ECSCR: variants seen among roughly 807,000 people sequenced by gnomAD.
ECSCR encodes endothelial cell-specific chemotaxis regulator.
A neutral mutation model predicts 16.7 loss-of-function variants in ECSCR; 12 were observed. The ratio of observed to expected loss-of-function variants is 0.72; its 90% CI spans 0.46 to 1.17. The LOEUF is 1.17. ECSCR is among the 50% of genes most tolerant of loss of function. ECSCR has a pLI of 0.00. For missense variants in ECSCR, 122 were observed against 116.1 expected, an observed-to-expected ratio of 1.05 and a Z score of -0.23; for synonymous variants, 44 against 42.2, an observed-to-expected ratio of 1.04 and a Z score of -0.17.
chr5:139,462,490 G>T, intron 1 of ECSCR, 120 bp downstream of exon 1: 1 of 1,047,732 alleles, frequency 9.5e-7, no homozygotes. Context: ...AAAGGCTCTG[G>T]AATTTCCCCT....
At chr5:139,450,775 CAAAA>C (rs952414998) in intron 8 of ECSCR, among the ~76,000 whole-genome samples, 1 of 95,406 alleles carries the variant, frequency 1.0e-5, no homozygotes, top group Non-Finnish European at 2.2e-5. Context: ...GACTCCATGT[CAAAA>C]AAAAAAAAAA....
intron 5 of ECSCR, 83 bp downstream of exon 5, chr5:139,456,391 T>C: frequency 2.5e-6 from 1 of 397,366 alleles, no homozygotes; most frequent in South Asian, 1.3e-4. Flanking sequence ...TAAAAAAATC[T>C]GAGAGCCAAG....
chr5:139,461,740 C>T (rs973630204), intron 1 of ECSCR, among the ~76,000 whole-genome samples: 2 of 152,120 alleles, frequency 1.3e-5, no homozygotes, highest in African/African-American at 2.4e-5. Context: ...TTCTGGTACT[C>T]AGGCCCTCTT....
rs1341000953 is a variant in ECSCR, at chr5:139,454,907, A to G, written c.393T>C (p.Ile131=). The G allele has an allele frequency of 2.5e-6, 1 of 398,640 alleles. No homozygotes were observed. The highest frequency in any genetic ancestry group is 4.4e-6 in the Non-Finnish European group (1 of 226,274). 24.7% of individuals were successfully genotyped at this position (398,640 alleles called of 1,614,324 possible). ...TGATCACCACAACCACCAGGATGAC[A>G]ATGAAGCTGATAACACCTGAACAGA... ...TVAAFGVISF[I]VILVVVVIIL... Residue 131 remains isoleucine, a synonymous_variant, in exon 7 of 10, where the codon ATT becomes ATC. Coordinates refer to ENST00000618155, the MANE Select transcript of ECSCR (RefSeq NM_001077693.4).
intron 2 of ECSCR, 106 bp from the exon 3 acceptor site, chr5:139,457,913 C>T: frequency 3.1e-6 from 4 of 1,308,156 alleles, no homozygotes; most frequent in Non-Finnish European, 3.2e-6. Context: ...CATCCCCCAC[C>T]CCTCATTCCC....
chr5:139,458,240 A>G, intron 1 of ECSCR, 57 bp from the exon 2 acceptor site: 1 of 1,508,990 alleles, frequency 6.6e-7, no homozygotes, highest in Admixed American at 2.0e-5. Flanking sequence ...CACAGAGCCT[A>G]GAAAGGAACC....
chr5:139,453,807 T>G (rs1490066683), intron 8 of ECSCR, among the ~76,000 whole-genome samples: 2 of 72,908 alleles, frequency 2.7e-5, no homozygotes, highest in African/African-American at 1.0e-4. Context: ...GTGTGGTGTG[T>G]GATGTGTGGG....
intron 5 of ECSCR, 80 bp from the exon 6 acceptor site, chr5:139,455,516 C>T (rs1246800154): frequency 5.1e-6 from 2 of 393,208 alleles, no homozygotes; most frequent in South Asian, 1.4e-4. Flanking sequence ...CCCGCTTCCC[C>T]CTAGGGAAGG....
At chr5:139,449,252 G>A (rs1750976038) in intron 8 of ECSCR, 78 bp from the exon 9 acceptor site, 30 of 1,080,452 alleles carry the variant, frequency 2.8e-5, no homozygotes, top group Non-Finnish European at 3.4e-5. Flanking sequence ...TGAGGTTGTT[G>A]AGCCTTAGAC....
chr5:139,457,805 C>A lies in ECSCR; in HGVS notation c.109G>T (p.Gly37Cys). ...TMTQTSSSQG[G>C]LGGLSLTTEP... ...GTGGTCAGACTTAGACCGCCAAGGC[C>A]TCCTGAAACAGAACATCTGAGGCTG... Residue 37 changes from glycine (G) to cysteine (C), a missense_variant and splice_region_variant, in exon 3 of 10, where the codon GGC becomes TGC. Physicochemically the swap from Gly to Cys is radical, Grantham distance 159. Coordinates refer to ENST00000618155, the MANE Select transcript of ECSCR (RefSeq NM_001077693.4). 1 of 1,607,998 alleles carries A rather than the reference C, an allele frequency of 6.2e-7. No homozygotes were observed. The highest frequency in any genetic ancestry group is 8.5e-7 in the Non-Finnish European group (1 of 1,177,108).
In ECSCR at chr5:139,462,656, T is replaced by C. The variant is rs1419257101; in HGVS notation, c.15A>G (p.Gly5=). MGTA[G]AMQLCWVILG... ...GGATCACCCAGCACAGCTGCATGGC[T>C]CCTGCGGTGCCCATGTCAGCTGGGT... The change falls in exon 1 of 10, where the codon GGA becomes GGG. Residue 5 remains glycine (G), a synonymous_variant. Transcript: ENST00000618155. 1 of 1,585,432 alleles carries C rather than the reference T, an allele frequency of 6.3e-7. No individual in the cohort carries two copies. The highest frequency in any genetic ancestry group is 8.6e-7 in the Non-Finnish European group (1 of 1,166,104).
Position 139,454,897 on chromosome 5 carries a change from C to A in ECSCR, c.403G>T (p.Val135Leu). Residue 135 changes from valine (V) to leucine (L), a missense_variant, in exon 7 of 10, where the codon GTG becomes TTG. Val to Leu is a conservative substitution (Grantham distance 32). Coordinates refer to ENST00000618155, the MANE Select transcript of ECSCR (RefSeq NM_001077693.4). ...CCAACTAGGATGATCACCACAACCA[C>A]CAGGATGACAATGAAGCTGATAACA... ...FGVISFIVIL[V>L]VVVIILVGVV... 1 of 398,696 alleles carries A rather than the reference C, an allele frequency of 2.5e-6. No individual in the cohort carries two copies. Among genetic ancestry groups the A allele is most frequent in the Non-Finnish European group, 4.4e-6 (1 of 226,260 alleles). The allele number at this position is 398,696 out of a possible 1,614,324, so 24.7% of individuals were successfully genotyped here.
chr5:139,448,908 C>T lies in ECSCR; in HGVS notation c.610G>A (p.Val204Ile). ...NGKQSLSAEK[V>I]L ...GGGACCCAAAGTTGCTTTTAAAGAA[C>T]CTGCAAAATAAATGCATAATGGGGA... The change falls in exon 10 of 10, where the codon GTT becomes ATT. Residue 204 changes from valine to isoleucine, a missense_variant and splice_region_variant. Physicochemically the swap from Val to Ile is conservative, Grantham distance 29 (BLOSUM62 3). Transcript: ENST00000618155. 1 of 1,537,176 alleles carries T rather than the reference C, an allele frequency of 6.5e-7. No homozygotes were observed. The highest frequency in any genetic ancestry group is 2.4e-5 in the East Asian group (1 of 40,912).
rs901419582 is a variant in ECSCR, at chr5:139,458,140, C to G, written c.105G>C (p.Gln35His). ...QPTMTQTSSS[Q>H]GGLGGLSLTT... ...GTAGACCCATGTGTTTGGTCTTACCCTGAGAGCTAGAGGTCTGGGTCATTG... is the reference window on the plus strand; with the variant it reads ...GTAGACCCATGTGTTTGGTCTTACCGTGAGAGCTAGAGGTCTGGGTCATTG... The change falls in exon 2 of 10, where the codon CAG (glutamine) becomes CAC (histidine). Residue 35 changes from glutamine (Q) to histidine (H), a missense_variant and splice_region_variant. By Grantham distance (24) the Gln-to-His change is conservative. Transcript: ENST00000618155. 1.9e-6 allele frequency: 3 copies of G among 1,549,692 alleles called. No homozygotes were observed. The highest frequency in any genetic ancestry group is 2.0e-5 in the Admixed American group (1 of 50,980).
At chr5:139,458,917 G>A (rs1270324269) in intron 1 of ECSCR, among the ~76,000 whole-genome samples, 1 of 151,986 alleles carries the variant, frequency 6.6e-6, no homozygotes, top group Non-Finnish European at 1.5e-5. Context: ...CTGGAAGGCA[G>A]ACACACTAGG....
Position 139,462,583 on chromosome 5 carries a change from C to T in ECSCR, c.61+27G>A, listed in dbSNP as rs376256833. On this transcript the variant is annotated intron_variant, in intron 1 of 9. Coordinates refer to ENST00000618155, the MANE Select transcript of ECSCR (RefSeq NM_001077693.4). Reference sequence around the variant, plus strand: ...ATGGCCAGCTGCGGAGAGGAATTGCCATGGGAAAGCGGCAGGCACCTCTTA... The same window carrying T: ...ATGGCCAGCTGCGGAGAGGAATTGCTATGGGAAAGCGGCAGGCACCTCTTA... The T allele has an allele frequency of 1.2e-3, 1,884 of 1,584,858 alleles. 3 individuals carry two copies. The highest frequency in any genetic ancestry group is 3.3e-3 in the South Asian group (288 of 86,406).
intron 1 of ECSCR, among the ~76,000 whole-genome samples, chr5:139,461,514 T>C (rs939050242): frequency 1.3e-5 from 2 of 152,120 alleles, no homozygotes; most frequent in African/African-American, 2.4e-5. Context: ...GGCACTTGCC[T>C]GGGAGAAAAC....
intron 2 of ECSCR, 57 bp downstream of exon 2, chr5:139,458,082 A>G: frequency 6.6e-7 from 1 of 1,518,730 alleles, no homozygotes. Context: ...AGCTCCTCTC[A>G]CCCTTCCTAA....
At chr5:139,458,901 A>G (rs1751229233) in intron 1 of ECSCR, among the ~76,000 whole-genome samples, 1 of 152,052 alleles carries the variant, frequency 6.6e-6, no homozygotes, top group South Asian at 2.1e-4. Context: ...TTCTAAGCCT[A>G]CCATGCTGGA....
Sources: allele counts gnomAD v4.1 joint callset (sites outside exome capture counted in the v4.1 genomes callset), GRCh38; gene constraint gnomAD v4.1.1; transcripts MANE v1.5; gene names NCBI Gene and HGNC (gene_info 2026-07-23, HGNC 2026-07-21).